MACROD1: variants seen among roughly 807,000 people sequenced by gnomAD.
MACROD1 encodes ADP-ribose glycohydrolase MACROD1.
A neutral mutation model predicts 41.4 loss-of-function variants in MACROD1; 31 were observed. That is an observed-to-expected ratio of 0.75 (90% confidence interval 0.56 to 1.01). The LOEUF is 1.01. Ranked by LOEUF, MACROD1 falls within the 50% of genes least tolerant of loss-of-function variation. MACROD1 has a pLI of 0.00. For synonymous variants in MACROD1, 252 were observed against 203.4 expected (o/e 1.24, Z -2.03); for missense variants, 473 against 460.0 (o/e 1.03, Z -0.26).
rs1942798655 is a variant in MACROD1, at chr11:64,000,264, C to T, written c.627G>A (p.Lys209=). Reference sequence around the variant, plus strand: ...GCCGATAGCCGCCGGTGATCTTGGCCTTGCCAGTCTTACAGCTCTGCAGGG... The same window carrying T: ...GCCGATAGCCGCCGGTGATCTTGGCTTTGCCAGTCTTACAGCTCTGCAGGG... ...CRTLQSCKTG[K]AKITGGYRLP... Residue 209 remains lysine (K), a synonymous_variant, in exon 5 of 11, where the codon AAG becomes AAA. Coordinates refer to ENST00000255681, the MANE Select transcript of MACROD1 (RefSeq NM_014067.4). The T allele has an allele frequency of 6.2e-7, 1 of 1,606,434 alleles. No homozygotes were observed. The highest frequency in any genetic ancestry group is 1.3e-5 in the African/African-American group (1 of 74,922).
intron 3 of MACROD1, among the ~76,000 whole-genome samples, chr11:64,016,833 C>CGGAGCT (rs1943088439): frequency 6.6e-6 from 1 of 152,104 alleles, no homozygotes; most frequent in Non-Finnish European, 1.5e-5. Context: ...GAGCCGAAGC[C>CGGAGCT]GGAGCTGGAG....
chr11:64,149,264 C>T (rs2134698221), intron 3 of MACROD1, among the ~76,000 whole-genome samples: 1 of 152,318 alleles, frequency 6.6e-6, no homozygotes, highest in South Asian at 2.1e-4. Flanking sequence ...ACGTCACGTG[C>T]ATCAGCTCCG....
intron 1 of MACROD1, 55 bp downstream of exon 1, chr11:64,165,642 G>C: frequency 7.5e-7 from 1 of 1,325,112 alleles, no homozygotes; most frequent in African/African-American, 1.5e-5. Context: ...CGCCCAGCCG[G>C]GAAGCTCCAC....
intron 3 of MACROD1, among the ~76,000 whole-genome samples, chr11:64,028,971 C>T (rs1325998457): frequency 6.6e-6 from 1 of 152,194 alleles, no homozygotes; most frequent in African/African-American, 2.4e-5. Context: ...TCTGTTTCCG[C>T]AACCCCAGCT....
At chr11:64,089,222 C>T (rs1422787249) in intron 3 of MACROD1, among the ~76,000 whole-genome samples, 5 of 152,160 alleles carry the variant, frequency 3.3e-5, no homozygotes, top group Non-Finnish European at 5.9e-5. Context: ...TGGCATTGCA[C>T]CGCGGAGGTG....
chr11:64,063,979 G>A (rs1456013140), intron 3 of MACROD1, among the ~76,000 whole-genome samples: 2 of 152,178 alleles, frequency 1.3e-5, no homozygotes, highest in East Asian at 1.9e-4. Context: ...AATCGCATCC[G>A]AGTGACGGCT....
At chr11:64,074,388 C>T (rs1283637058) in intron 3 of MACROD1, among the ~76,000 whole-genome samples, 1 of 152,200 alleles carries the variant, frequency 6.6e-6, no homozygotes, top group East Asian at 1.9e-4. Context: ...TTTCTAATAG[C>T]AGCTTCCTGT....
intron 3 of MACROD1, chr11:64,117,509 CA>C: frequency 6.2e-7 from 1 of 1,608,988 alleles, no homozygotes; most frequent in Non-Finnish European, 8.5e-7. Context: ...CCCTCAAGGC[CA>C]AAAGGCCAGG....
intron 3 of MACROD1, among the ~76,000 whole-genome samples, chr11:64,089,381 G>A (rs1012564724): frequency 6.6e-6 from 1 of 152,182 alleles, no homozygotes; most frequent in Admixed American, 6.5e-5. Flanking sequence ...CTAGACCTGG[G>A]GCAGGAGGCT....
chr11:64,063,415 G>A lies in MACROD1; in HGVS notation c.518-48134C>T, dbSNP rs561517069. On this transcript the variant is annotated intron_variant, in intron 3 of 10. Transcript: ENST00000255681. The stretch of plus-strand genomic sequence containing the variant: ...CAGATGTCAGGGAAGCCCAAGGAGC[G>A]ATGGAGGGAGAGGAGGAGGACTTCC... Among the ~76,000 whole-genome samples the A allele has an allele frequency of 8.5e-5, 13 of 152,258 alleles. No homozygotes were observed. The South Asian group carries it at 2.5e-3, about 29-fold the overall frequency.
intron 3 of MACROD1, among the ~76,000 whole-genome samples, chr11:64,076,559 C>A (rs534035477): frequency 1.3e-5 from 2 of 152,300 alleles, no homozygotes; most frequent in South Asian, 4.1e-4. Context: ...TCTCTAAGTT[C>A]TCGGCCAGAG....
At chr11:64,072,642 CCCCCATGCCCTGGTTATAGGGCTGTTCT>C (rs1183691972) in intron 3 of MACROD1, among the ~76,000 whole-genome samples, 4 of 152,192 alleles carry the variant, frequency 2.6e-5, no homozygotes, top group East Asian at 1.9e-4. Context: ...AGCCCCCTCG[CCCCCATGCCCTGGTTATAGGGCTGTTCT>C]CCCCATGCCC....
chr11:64,051,530 C>T (rs889673656), intron 3 of MACROD1, among the ~76,000 whole-genome samples: 5 of 152,212 alleles, frequency 3.3e-5, no homozygotes, highest in East Asian at 1.9e-4. Flanking sequence ...GCAGAGCTGT[C>T]GGCCGGGCAG....
At chr11:64,009,576 A>C (rs1942968967) in intron 4 of MACROD1, among the ~76,000 whole-genome samples, 1 of 146,360 alleles carries the variant, frequency 6.8e-6, no homozygotes, top group Non-Finnish European at 1.5e-5. Flanking sequence ...CCAGGGAAGA[A>C]TGGGTAGTAA....
chr11:64,058,554 C>T (rs1232224235), intron 3 of MACROD1, among the ~76,000 whole-genome samples: 2 of 152,254 alleles, frequency 1.3e-5, no homozygotes, highest in Non-Finnish European at 1.5e-5. Flanking sequence ...GGAGATGCCA[C>T]GAGGACACTG....
intron 3 of MACROD1, among the ~76,000 whole-genome samples, chr11:64,142,100 C>T (rs1484573886): frequency 6.6e-6 from 1 of 152,174 alleles, no homozygotes. Context: ...TAAAATGGAT[C>T]AGCCCCTTCA....
At chr11:64,047,485 T>C (rs776581786) in intron 3 of MACROD1, among the ~76,000 whole-genome samples, 16 of 152,134 alleles carry the variant, frequency 1.1e-4, no homozygotes, top group Non-Finnish European at 1.9e-4. Flanking sequence ...GTGACCAGCT[T>C]GGCATTCCCT....
At chr11:64,147,315 T>A (rs555807713) in intron 3 of MACROD1, among the ~76,000 whole-genome samples, 1 of 152,016 alleles carries the variant, frequency 6.6e-6, no homozygotes, top group Non-Finnish European at 1.5e-5. Context: ...CAAGCAATCT[T>A]CCTGCCTCAG....
At chr11:64,013,258 C>G (rs1343678844) in intron 4 of MACROD1, among the ~76,000 whole-genome samples, 3 of 152,184 alleles carry the variant, frequency 2.0e-5, no homozygotes, top group Non-Finnish European at 2.9e-5. Flanking sequence ...AAAGTTAAAA[C>G]CACAGCAGGG....
Sources: gnomAD v4.1 joint callset for allele counts (sites outside exome capture counted in the v4.1 genomes callset) on GRCh38, gnomAD v4.1.1 for gene constraint, MANE v1.5 for transcripts, NCBI Gene and HGNC (gene_info 2026-07-23, HGNC 2026-07-21) for gene names.